The following UBE2L3 variants were observed in gnomAD, a reference collection of about 807,000 sequenced individuals.
The protein encoded by UBE2L3 is ubiquitin conjugating enzyme E2 L3.
UBE2L3 carries 1 observed loss-of-function variant against 17.8 expected under a neutral mutation model. The observed-to-expected ratio is 0.06, with a 90% CI of 0.02 to 0.27. The LOEUF is 0.27. UBE2L3 is among the 10% of genes least tolerant of loss of function. UBE2L3 has a pLI of 1.00. For missense variants in UBE2L3, 40 were observed against 192.6 expected (o/e 0.21, Z 4.69); for synonymous variants, 44 against 68.5 (o/e 0.64, Z 1.76).
intron 3 of UBE2L3, 23 bp downstream of exon 3, chr22:21,611,066 C>G: frequency 6.4e-7 from 1 of 1,562,828 alleles, no homozygotes; most frequent in Non-Finnish European, 8.6e-7. Context: ...CCTGTGTCTT[C>G]CTCGGAGGGG....
At chr22:21,615,733 C>T (rs1001476340) in intron 3 of UBE2L3, among the ~76,000 whole-genome samples, 2 of 152,198 alleles carry the variant, frequency 1.3e-5, no homozygotes, top group African/African-American at 4.8e-5. Flanking sequence ...ACTCGTCTAT[C>T]ACAGATGTGT....
At chr22:21,563,963 C>G (rs528451056), upstream of UBE2L3, among the ~76,000 whole-genome samples, 50 of 152,018 alleles carry the variant, frequency 3.3e-4, no homozygotes, top group Non-Finnish European at 5.9e-4. Flanking sequence ...GCTTCAGCCT[C>G]CTAAAGTGCT....
At chr22:21,619,106 C>T (rs1436871078) in intron 3 of UBE2L3, among the ~76,000 whole-genome samples, 2 of 152,240 alleles carry the variant, frequency 1.3e-5, no homozygotes, top group African/African-American at 2.4e-5. Flanking sequence ...TGCTCTTAGG[C>T]GACTGTGGCT....
chr22:21,557,606 T>TCC (rs1926282719), intron 1 of UBE2L3, among the ~76,000 whole-genome samples: 1 of 152,064 alleles, frequency 6.6e-6, no homozygotes, highest in East Asian at 1.9e-4. Flanking sequence ...CACTGCAACC[T>TCC]CCGCCTCACG....
chr22:21,559,145 G>T (rs1926341923), intron 1 of UBE2L3, among the ~76,000 whole-genome samples: 1 of 151,974 alleles, frequency 6.6e-6, no homozygotes, highest in Non-Finnish European at 1.5e-5. Flanking sequence ...TCAGGAGATT[G>T]AGACCAGCCT....
chr22:21,609,839 A>C (rs994016675), intron 2 of UBE2L3, among the ~76,000 whole-genome samples: 2 of 152,146 alleles, frequency 1.3e-5, no homozygotes, highest in Admixed American at 1.3e-4. Context: ...CAGCCTGGCC[A>C]ACATGGTGAA....
At position 21,589,962 on chromosome 22, in the gene UBE2L3, T is replaced by C. The variant is rs572005239; in HGVS notation, c.28-2899T>C. Among the ~76,000 whole-genome samples the C allele has an allele frequency of 6.1e-4, 93 of 152,298 alleles. 2 individuals are homozygous for C. Among genetic ancestry groups the C allele is most frequent in the Non-Finnish European group, 1.1e-3 (77 of 68,016 alleles). ...TGGCCAGGTGTGTGGCTCACTCCCA[T>C]GGCAGTATTTCTTTTATCTTTGTCT... On this transcript the variant is annotated intron_variant, in intron 1 of 3. Coordinates refer to ENST00000342192, the MANE Select transcript of UBE2L3 (RefSeq NM_003347.4).
intron 1 of UBE2L3, among the ~76,000 whole-genome samples, chr22:21,557,339 C>G (rs1412530238): frequency 2.6e-5 from 4 of 152,256 alleles, no homozygotes; most frequent in Non-Finnish European, 5.9e-5. Context: ...TCCACTTCCA[C>G]CTGGACGAAA....
intron 2 of UBE2L3, among the ~76,000 whole-genome samples, chr22:21,604,679 A>C (rs1437874223): frequency 6.6e-6 from 1 of 152,154 alleles, no homozygotes; most frequent in African/African-American, 2.4e-5. Context: ...TTTAGCTCTA[A>C]TGTTGAAATT....
chr22:21,573,198 C>T (rs967816100), intron 1 of UBE2L3, among the ~76,000 whole-genome samples: 1 of 152,188 alleles, frequency 6.6e-6, no homozygotes, highest in Non-Finnish European at 1.5e-5. Context: ...AGGCCCTGCT[C>T]TCAGAGATTG....
At chr22:21,614,902 C>T (rs1300484457) in intron 3 of UBE2L3, among the ~76,000 whole-genome samples, 1 of 152,130 alleles carries the variant, frequency 6.6e-6, no homozygotes, top group Non-Finnish European at 1.5e-5. Context: ...GCCTGTAATC[C>T]CAGCACTTTG....
chr22:21,611,733 G>A (rs929563386), intron 3 of UBE2L3, among the ~76,000 whole-genome samples: 5 of 152,194 alleles, frequency 3.3e-5, no homozygotes, highest in Non-Finnish European at 5.9e-5. Context: ...GAAGTGACTA[G>A]TTTGTTATGG....
chr22:21,572,924 C>T (rs926294408), intron 1 of UBE2L3, among the ~76,000 whole-genome samples: 5 of 152,160 alleles, frequency 3.3e-5, no homozygotes, highest in South Asian at 2.1e-4. Context: ...GTCTAGTCAC[C>T]TGGCGGATTC....
chr22:21,595,471 C>A (rs113388758), intron 2 of UBE2L3, among the ~76,000 whole-genome samples: 1 of 152,162 alleles, frequency 6.6e-6, no homozygotes, highest in African/African-American at 2.4e-5. Flanking sequence ...AGAGCCAGGC[C>A]GATGAAGGCA....
intron 2 of UBE2L3, among the ~76,000 whole-genome samples, chr22:21,602,431 G>A (rs181724391): frequency 3.3e-5 from 5 of 152,332 alleles, no homozygotes; most frequent in Admixed American, 2.0e-4. Flanking sequence ...CCAGAGAGCT[G>A]TATGGTGGTC....
intron 3 of UBE2L3, among the ~76,000 whole-genome samples, chr22:21,617,639 G>T (rs1929845528): frequency 6.6e-6 from 1 of 152,124 alleles, no homozygotes; most frequent in Non-Finnish European, 1.5e-5. Flanking sequence ...GGTCATGGAA[G>T]AGACCAAGAA....
At chr22:21,562,371 T>C (rs957691169) in intron 1 of UBE2L3, among the ~76,000 whole-genome samples, 16 of 145,226 alleles carry the variant, frequency 1.1e-4, no homozygotes, top group African/African-American at 4.4e-4. Flanking sequence ...ATTTTTTCTT[T>C]TTTTCTTTTT....
chr22:21,597,884 G>A (rs1441071528), intron 2 of UBE2L3, among the ~76,000 whole-genome samples: 2 of 136,370 alleles, frequency 1.5e-5, no homozygotes, highest in Non-Finnish European at 3.1e-5. Context: ...CAACCTCCCA[G>A]GCTCAAGCGA....
Position 21,592,975 on chromosome 22 carries a change from C to G in UBE2L3, c.123+19C>G. 1 of 1,589,926 alleles carries G rather than the reference C, an allele frequency of 6.3e-7. No individual in the cohort carries two copies. Among genetic ancestry groups the G allele is most frequent in the Non-Finnish European group, 8.6e-7 (1 of 1,158,074 alleles). On this transcript the variant is annotated intron_variant, in intron 2 of 3. Coordinates refer to ENST00000342192, the MANE Select transcript of UBE2L3 (RefSeq NM_003347.4). ...TGTTCCTGTGAGTATTGAACACTTC[C>G]ACTTCCTACCAGATTATTCTTTAAG...
Sources: allele counts gnomAD v4.1 joint callset (sites outside exome capture counted in the v4.1 genomes callset), GRCh38; gene constraint gnomAD v4.1.1; transcripts MANE v1.5; gene names NCBI Gene and HGNC (gene_info 2026-07-23, HGNC 2026-07-21).